The following PRKCI variants were observed in gnomAD, a reference collection of about 807,000 sequenced individuals.
PRKCI encodes protein kinase C iota, also known as protein kinase C iota type.
In PRKCI, 43 loss-of-function variants were observed where a neutral mutation model predicts 84.0. The observed-to-expected ratio is 0.51, with a 90% CI of 0.40 to 0.66. The LOEUF is 0.66. Among genes scored for constraint, PRKCI ranks in the 30% least tolerant of loss-of-function variants. The pLI is 0.00. For synonymous variants in PRKCI, 216 were observed against 234.4 expected (o/e 0.92, Z 0.72); for missense variants, 459 against 745.6 (o/e 0.62, Z 4.48).
intron 17 of PRKCI, among the ~76,000 whole-genome samples, chr3:170,299,374 C>T (rs1036870447): frequency 4.6e-5 from 7 of 152,048 alleles, no homozygotes; most frequent in South Asian, 2.1e-4. Flanking sequence ...ACTACAGGCG[C>T]GTGCCGCCAC....
chr3:170,236,045 C>T (rs183498169), intron 2 of PRKCI, among the ~76,000 whole-genome samples: 27 of 151,738 alleles, frequency 1.8e-4, no homozygotes, highest in African/African-American at 6.5e-4. Flanking sequence ...CATGACCTCC[C>T]AAAGTACTGG....
chr3:170,262,816 A>C (rs73034389), intron 3 of PRKCI, among the ~76,000 whole-genome samples: 11,955 of 148,354 alleles, frequency 0.081, 1,167 homozygotes, highest in African/African-American at 0.23. Flanking sequence ...TTTCATAAGA[A>C]CTTTTTTCTT....
chr3:170,227,106 T>C (rs1043525903), intron 1 of PRKCI, among the ~76,000 whole-genome samples: 1 of 152,118 alleles, frequency 6.6e-6, no homozygotes, highest in Non-Finnish European at 1.5e-5. Flanking sequence ...ACAGAAAAAT[T>C]CTCCCCACAG....
chr3:170,231,545 A>C (rs888937752), intron 1 of PRKCI, among the ~76,000 whole-genome samples: 12 of 151,716 alleles, frequency 7.9e-5, no homozygotes, highest in Non-Finnish European at 1.5e-5. Context: ...GCTCACTGCA[A>C]CCTCCGCGTC....
rs187811126 is a variant in PRKCI, at chr3:170,243,426, G to A, written c.223+8075G>A. On this transcript the variant is annotated intron_variant, in intron 2 of 17. Coordinates refer to ENST00000295797, the MANE Select transcript of PRKCI (RefSeq NM_002740.6). ...TCATTAATCTGTTGAAGATCATTGG[G>A]ATTGTTTTTGGTTTTGGCTGTTTTA... Among the ~76,000 whole-genome samples the A allele has an allele frequency of 1.5e-3, 223 of 152,240 alleles. 2 individuals are homozygous for A. The highest frequency in any genetic ancestry group is 4.6e-3 in the African/African-American group (192 of 41,540).
Position 170,222,516 on chromosome 3 carries a change from G to C in PRKCI, c.-154G>C. Reference sequence around the variant, plus strand: ...CGCGCGGTTCCGGCTGCTCCGGCGAGGCGACCCTTGGGTCGGCGCTGCGGG... The same window carrying C: ...CGCGCGGTTCCGGCTGCTCCGGCGACGCGACCCTTGGGTCGGCGCTGCGGG... On this transcript the variant is annotated 5_prime_UTR_variant, in exon 1 of 18. Coordinates refer to ENST00000295797, the MANE Select transcript of PRKCI (RefSeq NM_002740.6). The C allele has an allele frequency of 1.6e-6, 1 of 613,528 alleles. No homozygotes were observed. The allele number at this position is 613,528 out of a possible 1,614,324, so 38.0% of individuals were successfully genotyped here.
chr3:170,268,015 T>C lies in PRKCI; in HGVS notation c.450+15T>C, dbSNP rs781299098. ...GTTTCAACAGGGTAAACATAGTTTGTTGAATGTCGATAATGTGAAACAGCT... is the reference window on the plus strand; with the variant it reads ...GTTTCAACAGGGTAAACATAGTTTGCTGAATGTCGATAATGTGAAACAGCT... On this transcript the variant is annotated intron_variant, in intron 5 of 17. Coordinates refer to ENST00000295797, the MANE Select transcript of PRKCI (RefSeq NM_002740.6). 2 of 1,588,656 alleles carry C rather than the reference T, an allele frequency of 1.3e-6. No individual in the cohort carries two copies. Among genetic ancestry groups the C allele is most frequent in the Admixed American group, 1.7e-5 (1 of 57,922 alleles).
chr3:170,230,874 A>T (rs189822591), intron 1 of PRKCI, among the ~76,000 whole-genome samples: 33 of 151,878 alleles, frequency 2.2e-4, no homozygotes, highest in African/African-American at 8.0e-4. Flanking sequence ...TTTTGCACAT[A>T]CCACTATTGG....
intron 11 of PRKCI, among the ~76,000 whole-genome samples, chr3:170,283,852 A>C (rs932970374): frequency 6.6e-6 from 1 of 152,274 alleles, no homozygotes; most frequent in South Asian, 2.1e-4. Context: ...CAGGCATTCC[A>C]TTTTCATTAT....
chr3:170,245,952 T>TTTTTTGTTTGTTTGTTTGTG lies in PRKCI; in HGVS notation c.223+10606_223+10607insGTTTGTTTGTTTGTGTTTTT, dbSNP rs571110353. Among the ~76,000 whole-genome samples the TTTTTTGTTTGTTTGTTTGTG allele has an allele frequency of 2.0e-3, 241 of 119,338 alleles. 1 individual carries two copies. The highest frequency in any genetic ancestry group is 6.9e-3 in the Admixed American group (72 of 10,396). The allele number at this position is 119,338 out of a possible 152,430, so 78.3% of individuals were successfully genotyped here. On this transcript the variant is annotated intron_variant, in intron 2 of 17. Coordinates refer to ENST00000295797, the MANE Select transcript of PRKCI (RefSeq NM_002740.6). ...TTTCCCTGGATGTTATGTCTTTGTT[T>TTTTTTGTTTGTTTGTTTGTG]TTTTTTTTTTTTTTTTTTCTGACAC...
chr3:170,243,776 G>T (rs1236731280), intron 2 of PRKCI, among the ~76,000 whole-genome samples: 1 of 152,176 alleles, frequency 6.6e-6, no homozygotes, highest in Non-Finnish European at 1.5e-5. Context: ...CCAATTAGAA[G>T]ATAGCTGACT....
At chr3:170,273,476 G>A in intron 7 of PRKCI, 136 bp downstream of exon 7, 1 of 816,414 alleles carries the variant, frequency 1.2e-6, no homozygotes, top group South Asian at 1.7e-5. Context: ...TTTTGTAGTG[G>A]TGAAATCAGT....
intron 7 of PRKCI, among the ~76,000 whole-genome samples, chr3:170,274,193 G>A (rs558207361): frequency 3.6e-4 from 55 of 152,140 alleles, no homozygotes; most frequent in Non-Finnish European, 7.1e-4. Context: ...ATGCAGTGGC[G>A]TGATCTCGGC....
At chr3:170,295,142 C>G (rs900819780) in intron 14 of PRKCI, among the ~76,000 whole-genome samples, 3 of 151,618 alleles carry the variant, frequency 2.0e-5, no homozygotes, top group African/African-American at 7.3e-5. Context: ...AGCCTGGAGG[C>G]GGAGGTTGCA....
intron 13 of PRKCI, among the ~76,000 whole-genome samples, chr3:170,292,758 A>G (rs1001333381): frequency 6.7e-6 from 1 of 150,196 alleles, no homozygotes; most frequent in African/African-American, 2.4e-5. Context: ...TTGCCAACAT[A>G]TAGCCGGGCG....
rs768159354 is a variant in PRKCI at position 170,222,696 on chromosome 3, C to T, written c.27C>T (p.Thr9=). The T allele has an allele frequency of 1.7e-5, 27 of 1,608,342 alleles. No individual in the cohort carries two copies. Among genetic ancestry groups the T allele is most frequent in the Middle Eastern group, 1.8e-4 (1 of 5,688 alleles). MPTQRDSS[T]MSHTVAGGGS... is the part of the protein sequence containing the mutation. ...TGCCGACCCAGAGGGACAGCAGCAC[C>T]ATGTCCCACACGGTCGCAGGCGGCG... is the stretch of plus-strand genomic sequence containing the variant. Residue 9 remains threonine, a synonymous_variant, in exon 1 of 18, where the codon ACC becomes ACT. Coordinates refer to ENST00000295797, the MANE Select transcript of PRKCI (RefSeq NM_002740.6).
At chr3:170,242,692 A>T (rs987105500) in intron 2 of PRKCI, among the ~76,000 whole-genome samples, 1 of 151,838 alleles carries the variant, frequency 6.6e-6, no homozygotes, top group Non-Finnish European at 1.5e-5. Context: ...TTGTTTTGAG[A>T]TGGATCCTTG....
At chr3:170,300,727 C>T (rs887967802) in intron 17 of PRKCI, among the ~76,000 whole-genome samples, 100 of 147,206 alleles carry the variant, frequency 6.8e-4, no homozygotes, top group African/African-American at 2.3e-3. Context: ...CAACCCCTTA[C>T]AATCGAACCT....
chr3:170,264,320 C>T (rs1733806771), intron 4 of PRKCI, among the ~76,000 whole-genome samples: 1 of 152,030 alleles, frequency 6.6e-6, no homozygotes, highest in Non-Finnish European at 1.5e-5. Context: ...CGCTTTCTCA[C>T]CCAGGCTGGA....
Sources: allele counts gnomAD v4.1 joint callset (sites outside exome capture counted in the v4.1 genomes callset), GRCh38; gene constraint gnomAD v4.1.1; transcripts MANE v1.5; gene names NCBI Gene and HGNC (gene_info 2026-07-23, HGNC 2026-07-21).